The following ANO2 variants were observed in gnomAD, a reference collection of about 807,000 sequenced individuals.
ANO2 encodes the protein anoctamin 2, also known as anoctamin-2.
ANO2 carries 101 observed loss-of-function variants against 124.2 expected under a neutral mutation model. The observed-to-expected ratio is 0.81, with a 90% CI of 0.69 to 0.96. The LOEUF is 0.96. Among genes scored for constraint, ANO2 ranks in the 40% least tolerant of loss-of-function variants. The probability of loss-of-function intolerance (pLI) is 0.00; values close to 1 mark genes in which losing one functional copy is unlikely to be tolerated. For missense variants in ANO2, 1,293 were observed against 1,274.5 expected, an observed-to-expected ratio of 1.01 and a Z score of -0.22; for synonymous variants, 486 against 482.5, an observed-to-expected ratio of 1.01 and a Z score of -0.09.
At chr12:5,566,495 A>G (rs943328239) in intron 23 of ANO2, among the ~76,000 whole-genome samples, 4 of 152,128 alleles carry the variant, frequency 2.6e-5, no homozygotes, top group African/African-American at 9.7e-5. Flanking sequence ...AGGGGCTGGT[A>G]CCAGAACTAT....
chr12:5,922,589 T>TGGG, intron 2 of ANO2, 31 bp downstream of exon 2: 2 of 1,449,812 alleles, frequency 1.4e-6, no homozygotes, highest in African/African-American at 2.9e-5. Flanking sequence ...GGCTGGCCTA[T>TGGG]CCCCCCACCC....
At chr12:5,597,275 G>T (rs966257803) in intron 20 of ANO2, among the ~76,000 whole-genome samples, 4 of 151,992 alleles carry the variant, frequency 2.6e-5, no homozygotes, top group African/African-American at 9.7e-5. Context: ...ATGGGCCCCA[G>T]TGTGTGTTGT....
At chr12:5,710,686 A>G (rs377354688) in intron 14 of ANO2, among the ~76,000 whole-genome samples, 22 of 152,320 alleles carry the variant, frequency 1.4e-4, no homozygotes, top group South Asian at 6.2e-4. Flanking sequence ...GTAGGGCCAC[A>G]TGAATCATTT....
At chr12:5,744,359 A>G in intron 11 of ANO2, 42 bp from the exon 12 acceptor site, 1 of 1,609,334 alleles carries the variant, frequency 6.2e-7, no homozygotes, top group African/African-American at 1.3e-5. Context: ...GAGCTCAAGC[A>G]TGGTCCACTC....
intron 3 of ANO2, among the ~76,000 whole-genome samples, chr12:5,920,036 AATGG>A (rs558209463): frequency 0.24 from 34,178 of 145,392 alleles, 4,153 homozygotes; most frequent in Middle Eastern, 0.33. Flanking sequence ...GGTGTGGATA[AATGG>A]ATGGATGGAT....
intron 14 of ANO2, among the ~76,000 whole-genome samples, chr12:5,660,812 C>T (rs1195960288): frequency 1.3e-5 from 2 of 152,148 alleles, no homozygotes; most frequent in Non-Finnish European, 2.9e-5. Context: ...TTTGGTGGTG[C>T]TCCATGCTCA....
At chr12:5,760,859 C>T (rs1012000856) in intron 10 of ANO2, among the ~76,000 whole-genome samples, 1 of 152,084 alleles carries the variant, frequency 6.6e-6, no homozygotes, top group Non-Finnish European at 1.5e-5. Flanking sequence ...GCAAGATTTA[C>T]AAAAAGCACT....
At chr12:5,684,997 G>A (rs766215895) in intron 14 of ANO2, among the ~76,000 whole-genome samples, 4 of 152,210 alleles carry the variant, frequency 2.6e-5, no homozygotes, top group African/African-American at 4.8e-5. Context: ...ATGACCTAAT[G>A]TAGGTAAATG....
intron 14 of ANO2, among the ~76,000 whole-genome samples, chr12:5,682,664 C>T (rs1000531540): frequency 2.6e-5 from 4 of 152,144 alleles, no homozygotes; most frequent in Non-Finnish European, 4.4e-5. Flanking sequence ...TATGTGAAGA[C>T]AGTTAAGCTC....
rs1253108658 is a variant in ANO2 at position 5,873,244 on chromosome 12, T to TCTCTCTCTCTCTCTCTCTCTCC, written c.535-19104_535-19103insGGAGAGAGAGAGAGAGAGAGAG. 9.2e-5 allele frequency among the ~76,000 whole-genome samples: 13 copies of TCTCTCTCTCTCTCTCTCTCTCC among 141,816 alleles called. 1 individual carries two copies. The highest frequency in any genetic ancestry group is 3.8e-4 in the African/African-American group (13 of 34,218). The allele number at this position is 141,816 out of a possible 152,430, so 93.0% of individuals were successfully genotyped here. On this transcript the variant is annotated intron_variant, in intron 3 of 24. Transcript: ENST00000682330. ...CTCTCTCTCTCTCTCTCTCTCTCTCTCTGTCTGTCTCTCTCCCTTTCTCTC... is the reference window on the plus strand; with the variant it reads ...CTCTCTCTCTCTCTCTCTCTCTCTCTCTCTCTCTCTCTCTCTCTCTCCCTGTCTGTCTCTCTCCCTTTCTCTC...
chr12:5,835,766 T>A (rs1490081413), intron 4 of ANO2, among the ~76,000 whole-genome samples: 1 of 152,246 alleles, frequency 6.6e-6, no homozygotes, highest in Admixed American at 6.5e-5. Context: ...TCGTAAGGTC[T>A]TGACCTTTCT....
At chr12:5,827,850 C>G in intron 6 of ANO2, 30 bp from the exon 7 acceptor site, 1 of 1,599,310 alleles carries the variant, frequency 6.3e-7, no homozygotes, top group South Asian at 1.1e-5. Flanking sequence ...GAGCTGTGAG[C>G]TCCTAGTTCC....
chr12:5,844,091 G>T (rs899730060), intron 4 of ANO2, among the ~76,000 whole-genome samples: 4 of 152,286 alleles, frequency 2.6e-5, no homozygotes, highest in African/African-American at 9.6e-5. Flanking sequence ...ATTTAGGCTG[G>T]GCAGCAAAGG....
At chr12:5,890,291 C>A (rs1939301678) in intron 3 of ANO2, among the ~76,000 whole-genome samples, 1 of 152,192 alleles carries the variant, frequency 6.6e-6, no homozygotes, top group Non-Finnish European at 1.5e-5. Flanking sequence ...TCCAACTTAT[C>A]ACACTGGAGC....
rs565655312 is a variant in ANO2 at position 5,698,558 on chromosome 12, C to T, written c.1545+33962G>A. Reference sequence around the variant, plus strand: ...GAGTACCTCTTCTCCTCCAAAGGAACGCAGCTCCTTGCCAGCAATGGAAAA... The same window carrying T: ...GAGTACCTCTTCTCCTCCAAAGGAATGCAGCTCCTTGCCAGCAATGGAAAA... On this transcript the variant is annotated intron_variant, in intron 14 of 24. Coordinates refer to ENST00000682330, the MANE Select transcript of ANO2 (RefSeq NM_001364791.2). Among the ~76,000 whole-genome samples, 7 of 152,314 alleles carry T rather than the reference C, an allele frequency of 4.6e-5. No homozygotes were observed. In the South Asian group the frequency reaches 6.2e-4, roughly 14 times the overall value.
At chr12:5,743,428 C>A (rs918619693) in intron 12 of ANO2, among the ~76,000 whole-genome samples, 1 of 151,908 alleles carries the variant, frequency 6.6e-6, no homozygotes. Flanking sequence ...TGCTCAGTTA[C>A]CATGGGGTGG....
intron 3 of ANO2, among the ~76,000 whole-genome samples, chr12:5,855,480 G>A (rs1415892168): frequency 6.6e-6 from 1 of 152,224 alleles, no homozygotes. Context: ...TCACTTTGAG[G>A]AAGAAAGCTC....
chr12:5,832,104 T>C (rs1204365095), intron 5 of ANO2, among the ~76,000 whole-genome samples: 2 of 152,200 alleles, frequency 1.3e-5, no homozygotes, highest in Non-Finnish European at 2.9e-5. Flanking sequence ...GACTGGCAAT[T>C]GGGCAGAAGG....
At chr12:5,625,960 G>A (rs982305347) in intron 16 of ANO2, among the ~76,000 whole-genome samples, 1 of 152,122 alleles carries the variant, frequency 6.6e-6, no homozygotes, top group Non-Finnish European at 1.5e-5. Flanking sequence ...GGGAAATAAA[G>A]CATGGAAAGC....
Sources: allele counts gnomAD v4.1 joint callset (sites outside exome capture counted in the v4.1 genomes callset), GRCh38; gene constraint gnomAD v4.1.1; transcripts MANE v1.5; gene names NCBI Gene and HGNC (gene_info 2026-07-23, HGNC 2026-07-21).